RAP1GDS1: variants seen among roughly 807,000 people sequenced by gnomAD.
The protein encoded by RAP1GDS1 is Rap1 GTPase-GDP dissociation stimulator 1, also known as RAP1, GTP-GDP dissociation stimulator 1.
A neutral mutation model predicts 71.1 loss-of-function variants in RAP1GDS1; 35 were observed. That is an observed-to-expected ratio of 0.49 (90% CI 0.38 to 0.65). The LOEUF (loss-of-function observed/expected upper bound fraction) is 0.65, where lower values mean the gene tolerates loss of function less well. RAP1GDS1 is among the 30% of genes least tolerant of loss of function. The probability of loss-of-function intolerance (pLI) is 0.00; values close to 1 mark genes in which losing one functional copy is unlikely to be tolerated. For missense variants in RAP1GDS1, 663 were observed against 706.1 expected, an observed-to-expected ratio of 0.94 and a Z score of 0.69; for synonymous variants, 229 against 243.1, an observed-to-expected ratio of 0.94 and a Z score of 0.54.
chr4:98,304,587 A>T (rs1479653715), intron 2 of RAP1GDS1, among the ~76,000 whole-genome samples: 1 of 151,894 alleles, frequency 6.6e-6, no homozygotes, highest in Non-Finnish European at 1.5e-5. Context: ...TAAATTCTGG[A>T]TATTAGACCT....
intron 2 of RAP1GDS1, chr4:98,297,016 C>CTT: frequency 5.9e-6 from 1 of 170,746 alleles, no homozygotes; most frequent in Non-Finnish European, 1.2e-5. Context: ...CTGCCTCGTT[C>CTT]TCTTTTTTTT....
intron 3 of RAP1GDS1, among the ~76,000 whole-genome samples, chr4:98,346,399 A>G (rs1560876374): frequency 6.6e-6 from 1 of 152,110 alleles, no homozygotes. Flanking sequence ...CATGTAGTAC[A>G]TGTTTATTTT....
At chr4:98,353,306 G>A (rs1560889088) in intron 4 of RAP1GDS1, among the ~76,000 whole-genome samples, 1 of 152,042 alleles carries the variant, frequency 6.6e-6, no homozygotes, top group South Asian at 2.1e-4. Context: ...GCCAAAACAC[G>A]TATTTTATCA....
intron 2 of RAP1GDS1, among the ~76,000 whole-genome samples, chr4:98,294,017 TC>T (rs1456805332): frequency 6.6e-6 from 1 of 152,122 alleles, no homozygotes; most frequent in African/African-American, 2.4e-5. Context: ...TTAGAAGTCA[TC>T]AAAAATCTTT....
intron 3 of RAP1GDS1, among the ~76,000 whole-genome samples, chr4:98,350,235 C>G (rs1239088861): frequency 6.6e-6 from 1 of 152,094 alleles, no homozygotes; most frequent in Non-Finnish European, 1.5e-5. Context: ...AATAACAAAA[C>G]AAGCAAAATA....
intron 4 of RAP1GDS1, among the ~76,000 whole-genome samples, chr4:98,364,453 C>A (rs1418634824): frequency 6.6e-6 from 1 of 151,994 alleles, no homozygotes; most frequent in Admixed American, 6.6e-5. Context: ...TTCATTGTTT[C>A]CGTAAATATA....
intron 2 of RAP1GDS1, among the ~76,000 whole-genome samples, chr4:98,302,535 A>G (rs1026365293): frequency 2.6e-5 from 4 of 152,186 alleles, no homozygotes; most frequent in African/African-American, 4.8e-5. Context: ...GAAGGAAAAC[A>G]AAATGGTGAA....
chr4:98,310,962 CA>C (rs1292681945), intron 2 of RAP1GDS1, among the ~76,000 whole-genome samples: 1 of 151,792 alleles, frequency 6.6e-6, no homozygotes, highest in African/African-American at 2.4e-5. Context: ...AAATGCTTCT[CA>C]AATTTTAGGC....
At chr4:98,335,461 G>GTTGT (rs139341422) in intron 2 of RAP1GDS1, among the ~76,000 whole-genome samples, 7 of 151,926 alleles carry the variant, frequency 4.6e-5, no homozygotes, top group South Asian at 4.2e-4. Context: ...CTCTATTAGG[G>GTTGT]TTGTTTGTTT....
intron 10 of RAP1GDS1, among the ~76,000 whole-genome samples, 160 bp downstream of exon 10, chr4:98,418,951 CATA>C (rs1442432948): frequency 2.0e-5 from 3 of 152,154 alleles, no homozygotes; most frequent in African/African-American, 7.2e-5. Context: ...AAATGGAGAT[CATA>C]TGTTAAATAA....
chr4:98,396,095 A>C (rs1307603830), intron 6 of RAP1GDS1: 1 of 151,984 alleles, frequency 6.6e-6, no homozygotes, highest in African/African-American at 2.4e-5. Flanking sequence ...TCTTAACCAG[A>C]TCTCATATGA....
At chr4:98,281,938 C>T (rs1223432667) in intron 1 of RAP1GDS1, among the ~76,000 whole-genome samples, 1 of 152,192 alleles carries the variant, frequency 6.6e-6, no homozygotes, top group Non-Finnish European at 1.5e-5. Flanking sequence ...TTGAACCAGC[C>T]TTGCATCCCA....
chr4:98,418,634 A>G, intron 9 of RAP1GDS1, 23 bp from the exon 10 acceptor site: 2 of 1,578,374 alleles, frequency 1.3e-6, no homozygotes, highest in Non-Finnish European at 1.7e-6. Flanking sequence ...GAGGAAGAAA[A>G]AGATGTGTGT....
intron 1 of RAP1GDS1, among the ~76,000 whole-genome samples, chr4:98,283,104 AT>A (rs1236194729): frequency 6.6e-6 from 1 of 152,208 alleles, no homozygotes; most frequent in African/African-American, 2.4e-5. Flanking sequence ...TTTAAAAACA[AT>A]TTTTTAACTT....
intron 1 of RAP1GDS1, among the ~76,000 whole-genome samples, chr4:98,281,786 A>G (rs1725144861): frequency 6.6e-6 from 1 of 152,174 alleles, no homozygotes; most frequent in Non-Finnish European, 1.5e-5. Context: ...ACTTTCCATC[A>G]ATACCTAGTT....
chr4:98,344,936 T>C (rs1171411842), intron 3 of RAP1GDS1, among the ~76,000 whole-genome samples: 1 of 152,138 alleles, frequency 6.6e-6, no homozygotes, highest in Non-Finnish European at 1.5e-5. Flanking sequence ...GCAATCCTCC[T>C]ATCTCAGCCT....
At chr4:98,325,521 C>G (rs1345345997) in intron 2 of RAP1GDS1, among the ~76,000 whole-genome samples, 1 of 151,322 alleles carries the variant, frequency 6.6e-6, no homozygotes, top group African/African-American at 2.4e-5. Flanking sequence ...TGGAACCAAC[C>G]CAAATGTCCA....
intron 2 of RAP1GDS1, among the ~76,000 whole-genome samples, chr4:98,312,895 C>T (rs1463492753): frequency 6.6e-6 from 1 of 151,220 alleles, no homozygotes; most frequent in Non-Finnish European, 1.5e-5. Context: ...TGGGGAAACC[C>T]CGTCTCTAGT....
At chr4:98,346,504 C>T (rs927020039) in intron 3 of RAP1GDS1, among the ~76,000 whole-genome samples, 1 of 151,928 alleles carries the variant, frequency 6.6e-6, no homozygotes, top group East Asian at 1.9e-4. Flanking sequence ...AAGTATACCT[C>T]GAGACCTCAG....
Sources: gnomAD v4.1 joint callset for allele counts (sites outside exome capture counted in the v4.1 genomes callset) on GRCh38, gnomAD v4.1.1 for gene constraint, MANE v1.5 for transcripts, NCBI Gene and HGNC (gene_info 2026-07-23, HGNC 2026-07-21) for gene names.